Variants in SDK1 observed in about 807,000 individuals in gnomAD.
SDK1 encodes the protein protein sidekick-1.
In SDK1, 157 loss-of-function variants were observed where a neutral mutation model predicts 245.5. The observed-to-expected ratio is 0.64, with a 90% CI of 0.56 to 0.73. The LOEUF is 0.73. SDK1 is among the 30% of genes least tolerant of loss of function. The pLI is 0.00. For synonymous variants in SDK1, 1,647 were observed against 1,278.5 expected (o/e 1.29, Z -6.15); for missense variants, 3,583 against 3,002.3 (o/e 1.19, Z -4.52).
chr7:3,623,587 C>T (rs1381694215), intron 2 of SDK1, among the ~76,000 whole-genome samples: 3 of 152,032 alleles, frequency 2.0e-5, no homozygotes, highest in Middle Eastern at 3.2e-3. Flanking sequence ...ATTTTGGTGG[C>T]ACAGGTGACT....
chr7:4,207,873 T>G (rs1472413201), intron 36 of SDK1, among the ~76,000 whole-genome samples: 1 of 152,144 alleles, frequency 6.6e-6, no homozygotes, highest in African/African-American at 2.4e-5. Context: ...CAGGAAAATG[T>G]TAAACATCGT....
Position 4,185,737 on chromosome 7 carries a change from G to A in SDK1, c.5098+7151G>A, listed in dbSNP as rs373315451. Among the ~76,000 whole-genome samples the A allele has an allele frequency of 2.8e-3, 429 of 152,254 alleles. 12 individuals carry two copies. The South Asian group carries it at 0.071, about 25-fold the overall frequency. On this transcript the variant is annotated intron_variant, in intron 35 of 44. Coordinates refer to ENST00000404826, the MANE Select transcript of SDK1 (RefSeq NM_152744.4). ...TCTTTTTCTCTCTGAGTTCCATGAG[G>A]GCAGGGACCCCTCTTATCCCCAGAA... is the stretch of plus-strand genomic sequence containing the variant.
In SDK1 at chr7:4,170,154, G is replaced by T. The variant is rs912055494; in HGVS notation, c.4801-4068G>T. Reference sequence around the variant, plus strand: ...AAGAAGGATGCCTTACAGAATAAGGGTTTTAATTTCAGTCTCAGCTGTGGC... The same window carrying T: ...AAGAAGGATGCCTTACAGAATAAGGTTTTTAATTTCAGTCTCAGCTGTGGC... On this transcript the variant is annotated intron_variant, in intron 32 of 44. Transcript: ENST00000404826. Among the ~76,000 whole-genome samples the T allele has an allele frequency of 2.0e-5, 3 of 152,182 alleles. No homozygotes were observed. The South Asian group carries it at 6.2e-4, about 32-fold the overall frequency.
At chr7:3,727,615 T>G (rs1344540945) in intron 4 of SDK1, among the ~76,000 whole-genome samples, 1 of 151,980 alleles carries the variant, frequency 6.6e-6, no homozygotes, top group Non-Finnish European at 1.5e-5. Flanking sequence ...CTCAGCCTCC[T>G]GAGTAGCTGG....
intron 22 of SDK1, among the ~76,000 whole-genome samples, chr7:4,108,850 C>G (rs944173503): frequency 6.6e-6 from 1 of 152,206 alleles, no homozygotes; most frequent in Non-Finnish European, 1.5e-5. Flanking sequence ...TCCCCATCCC[C>G]TGGCAACCAC....
At chr7:3,783,401 A>C (rs1003157934) in intron 4 of SDK1, among the ~76,000 whole-genome samples, 2 of 152,152 alleles carry the variant, frequency 1.3e-5, no homozygotes, top group Non-Finnish European at 2.9e-5. Flanking sequence ...CGTAATAGGA[A>C]AGGAAGAGCT....
At chr7:3,934,177 A>G (rs1780078895) in intron 5 of SDK1, among the ~76,000 whole-genome samples, 1 of 152,228 alleles carries the variant, frequency 6.6e-6, no homozygotes, top group Non-Finnish European at 1.5e-5. Context: ...CAGGTTTTCT[A>G]AAGATCTTCC....
intron 4 of SDK1, among the ~76,000 whole-genome samples, chr7:3,808,856 A>C (rs1160122532): frequency 6.6e-6 from 1 of 152,200 alleles, no homozygotes; most frequent in Non-Finnish European, 1.5e-5. Flanking sequence ...GAAAGAAAAA[A>C]AAATCATTAA....
intron 30 of SDK1, among the ~76,000 whole-genome samples, chr7:4,153,258 C>T (rs1162684751): frequency 1.3e-5 from 2 of 150,922 alleles, no homozygotes; most frequent in African/African-American, 2.4e-5. Flanking sequence ...TTTCTTTTTC[C>T]GTATAATGTA....
chr7:3,608,958 C>G (rs1449513727), intron 1 of SDK1, among the ~76,000 whole-genome samples: 2 of 152,140 alleles, frequency 1.3e-5, no homozygotes, highest in Non-Finnish European at 2.9e-5. Context: ...CAACATATTA[C>G]AAGAGACTAA....
At chr7:4,045,258 T>A (rs1053347247) in intron 17 of SDK1, among the ~76,000 whole-genome samples, 1 of 151,924 alleles carries the variant, frequency 6.6e-6, no homozygotes, top group African/African-American at 2.4e-5. Context: ...TATTTATTTA[T>A]TTAGAGACAG....
intron 5 of SDK1, among the ~76,000 whole-genome samples, chr7:3,883,457 G>T (rs909604246): frequency 1.3e-5 from 2 of 152,182 alleles, no homozygotes; most frequent in African/African-American, 4.8e-5. Flanking sequence ...ATGCAGGTGT[G>T]TGTATGTGTG....
chr7:3,921,776 G>A (rs1033525787), intron 5 of SDK1, among the ~76,000 whole-genome samples: 3 of 151,812 alleles, frequency 2.0e-5, no homozygotes, highest in African/African-American at 7.3e-5. Context: ...GAGCAGCCTG[G>A]GCAATATTAC....
intron 5 of SDK1, among the ~76,000 whole-genome samples, chr7:3,848,952 G>C (rs1455517061): frequency 6.6e-6 from 1 of 152,218 alleles, no homozygotes; most frequent in Admixed American, 6.5e-5. Flanking sequence ...TTACAGGCGT[G>C]AGCCGCCGCG....
intron 4 of SDK1, among the ~76,000 whole-genome samples, chr7:3,770,548 G>A (rs1486924747): frequency 6.6e-6 from 1 of 152,206 alleles, no homozygotes; most frequent in Non-Finnish European, 1.5e-5. Flanking sequence ...AGTGCCTGTA[G>A]CATTTTACAT....
At chr7:3,627,146 C>G (rs1261708538) in intron 2 of SDK1, among the ~76,000 whole-genome samples, 1 of 152,098 alleles carries the variant, frequency 6.6e-6, no homozygotes, top group Non-Finnish European at 1.5e-5. Context: ...CGAGGCTCGT[C>G]TCAAACTCCT....
rs1388651804 is a variant in SDK1, at chr7:4,161,780, T to A, written c.4730-6T>A. The A allele has an allele frequency of 6.2e-7, 1 of 1,612,572 alleles. No individual in the cohort carries two copies. Among genetic ancestry groups the A allele is most frequent in the Non-Finnish European group, 8.5e-7 (1 of 1,178,960 alleles). On this transcript the variant is annotated splice_polypyrimidine_tract_variant and splice_region_variant and intron_variant, in intron 31 of 44. Coordinates refer to ENST00000404826, the MANE Select transcript of SDK1 (RefSeq NM_152744.4). ...GACCCCCGCTTTCCTCTCCTGTGTG[T>A]TTCAGTTCCAGGAGAGCCCCCGGGA...
chr7:3,311,060 A>C (rs1779537661), intron 1 of SDK1, among the ~76,000 whole-genome samples: 2 of 151,940 alleles, frequency 1.3e-5, no homozygotes, highest in South Asian at 4.2e-4. Flanking sequence ...CTTTTCCTGT[A>C]ATATTAGGGA....
chr7:4,238,120 C>T (rs1786295377), intron 42 of SDK1, among the ~76,000 whole-genome samples: 1 of 152,004 alleles, frequency 6.6e-6, no homozygotes, highest in Non-Finnish European at 1.5e-5. Context: ...CACTCTGTCA[C>T]CCAGGTTGGA....
Sources: gnomAD v4.1 joint callset for allele counts (sites outside exome capture counted in the v4.1 genomes callset) on GRCh38, gnomAD v4.1.1 for gene constraint, MANE v1.5 for transcripts, NCBI Gene and HGNC (gene_info 2026-07-23, HGNC 2026-07-21) for gene names.